The following NPEPPS variants were observed in gnomAD, a reference collection of about 807,000 sequenced individuals.
NPEPPS encodes puromycin-sensitive aminopeptidase.
A neutral mutation model predicts 115.5 loss-of-function variants in NPEPPS; 14 were observed. The observed-to-expected ratio is 0.12, with a 90% CI of 0.08 to 0.19. NPEPPS has a LOEUF of 0.19. Among genes scored for constraint, NPEPPS ranks in the 10% least tolerant of loss-of-function variants. The pLI is 1.00. For synonymous variants in NPEPPS, 285 were observed against 390.6 expected (o/e 0.73, Z 3.19); for missense variants, 523 against 1,110.8 (o/e 0.47, Z 7.52).
intron 1 of NPEPPS, among the ~76,000 whole-genome samples, chr17:47,534,519 T>C (rs1908054239): frequency 6.6e-6 from 1 of 152,220 alleles, no homozygotes; most frequent in African/African-American, 2.4e-5. Context: ...AGAGTATTTG[T>C]GTAGGTTACA....
intron 1 of NPEPPS, among the ~76,000 whole-genome samples, chr17:47,535,517 T>G (rs1908167419): frequency 7.2e-6 from 1 of 139,012 alleles, no homozygotes; most frequent in African/African-American, 2.7e-5. Flanking sequence ...CGCCACGCAC[T>G]CCAGCCTGGG....
chr17:47,601,820 A>T, intron 15 of NPEPPS, 73 bp downstream of exon 15: 2 of 1,436,420 alleles, frequency 1.4e-6, no homozygotes, highest in South Asian at 2.5e-5. Flanking sequence ...ATTCTGCTTC[A>T]GTTTAGTAGT....
chr17:47,612,634 T>C (rs778189883), intron 18 of NPEPPS, 32 bp downstream of exon 18: 13 of 1,592,986 alleles, frequency 8.2e-6, no homozygotes, highest in South Asian at 2.3e-5. Flanking sequence ...CCTTGACTTA[T>C]AGGTAACATC....
intron 2 of NPEPPS, among the ~76,000 whole-genome samples, chr17:47,560,221 A>G (rs1910338720): frequency 6.6e-6 from 1 of 152,180 alleles, no homozygotes; most frequent in African/African-American, 2.4e-5. Flanking sequence ...TCCTTTAAAA[A>G]AAAAAAGATA....
At chr17:47,609,794 T>C (rs542062649) in intron 17 of NPEPPS, among the ~76,000 whole-genome samples, 30 of 152,314 alleles carry the variant, frequency 2.0e-4, no homozygotes, top group African/African-American at 6.7e-4. Context: ...ATCTCTTCTA[T>C]TTTATATACA....
intron 3 of NPEPPS, among the ~76,000 whole-genome samples, chr17:47,573,969 AAAAG>A (rs1460211645): frequency 1.3e-5 from 2 of 152,210 alleles, no homozygotes; most frequent in Admixed American, 6.6e-5. Context: ...AGTCAATAGA[AAAAG>A]AAATGAAAAA....
At chr17:47,562,443 C>A (rs1910491477) in intron 2 of NPEPPS, among the ~76,000 whole-genome samples, 1 of 152,158 alleles carries the variant, frequency 6.6e-6, no homozygotes, top group African/African-American at 2.4e-5. Context: ...CATTTGGTCA[C>A]AGAAGTCTAC....
chr17:47,569,097 A>G (rs1319865588), intron 2 of NPEPPS, among the ~76,000 whole-genome samples: 3 of 152,184 alleles, frequency 2.0e-5, no homozygotes, highest in Non-Finnish European at 2.9e-5. Flanking sequence ...GTTCATGAGT[A>G]AGACTGCAAT....
chr17:47,612,437 G>A (rs1407049858), intron 17 of NPEPPS, 23 bp from the exon 18 acceptor site: 2 of 1,611,848 alleles, frequency 1.2e-6, no homozygotes, highest in Non-Finnish European at 1.7e-6. Context: ...GTAGTCTTAT[G>A]TCTCTTTTAC....
intron 18 of NPEPPS, among the ~76,000 whole-genome samples, chr17:47,613,300 C>G (rs972207348): frequency 1.6e-5 from 2 of 126,542 alleles, no homozygotes; most frequent in African/African-American, 3.0e-5. Flanking sequence ...GAGTCTCACT[C>G]TGTTACCCAG....
chr17:47,544,354 A>G (rs541659780), intron 1 of NPEPPS, among the ~76,000 whole-genome samples: 1 of 152,212 alleles, frequency 6.6e-6, no homozygotes, highest in Admixed American at 6.5e-5. Context: ...GTTATTGTAT[A>G]AAGTTTTGAC....
chr17:47,593,076 C>G (rs1912614547), intron 12 of NPEPPS, among the ~76,000 whole-genome samples: 2 of 152,146 alleles, frequency 1.3e-5, no homozygotes, highest in African/African-American at 4.8e-5. Flanking sequence ...TATAGATGCT[C>G]AGCTAGTAAG....
rs1555603815 is a variant in NPEPPS, at chr17:47,546,043, G to GGGGTGTGT, written c.340+51_340+52insGGTGTGTG. 61 of 1,213,880 alleles carry GGGGTGTGT rather than the reference G, an allele frequency of 5.0e-5. No individual in the cohort carries two copies. In the East Asian group the frequency reaches 6.8e-4, roughly 14 times the overall value. The allele number at this position is 1,213,880 out of a possible 1,614,324, so 75.2% of individuals were successfully genotyped here. ...TTGCTGTCTGCATGTGCATATGTGGGGTGTGTGTGTGTGTGTGTGTGTGTG... is the reference window on the plus strand; with the variant it reads ...TTGCTGTCTGCATGTGCATATGTGGGGGGTGTGTGTGTGTGTGTGTGTGTGTGTGTGTG... On this transcript the variant is annotated intron_variant, in intron 2 of 22. Coordinates refer to ENST00000322157, the MANE Select transcript of NPEPPS (RefSeq NM_006310.4).
upstream of NPEPPS, among the ~76,000 whole-genome samples, chr17:47,529,737 T>TATATATATATATA (rs59313546): frequency 3.5e-4 from 9 of 25,658 alleles, 2 homozygotes; most frequent in Non-Finnish European, 4.3e-4. Flanking sequence ...TTCAGTTACA[T>TATATATATATATA]TATATATATA....
At chr17:47,604,141 TG>T in intron 16 of NPEPPS, 92 bp downstream of exon 16, 1 of 1,240,794 alleles carries the variant, frequency 8.1e-7, no homozygotes, top group Non-Finnish European at 1.1e-6. Flanking sequence ...TAGAAGAATA[TG>T]GGTCTTCATG....
At chr17:47,597,228 T>C (rs191857438) in intron 13 of NPEPPS, among the ~76,000 whole-genome samples, 181 of 152,308 alleles carry the variant, frequency 1.2e-3, no homozygotes, top group Middle Eastern at 3.4e-3. Context: ...GTGATTTTAA[T>C]TAGGATTGCA....
chr17:47,604,055 C>T lies in NPEPPS; in HGVS notation c.1875+6C>T. 6.2e-7 allele frequency: 1 copy of T among 1,604,784 alleles called. No individual in the cohort carries two copies. Among genetic ancestry groups the T allele is most frequent in the Non-Finnish European group, 8.5e-7 (1 of 1,173,932 alleles). On this transcript the variant is annotated splice_donor_region_variant and intron_variant, in intron 16 of 22. Coordinates refer to ENST00000322157, the MANE Select transcript of NPEPPS (RefSeq NM_006310.4). ...AGAATGACCTCTTCTCCTTGGTGAGCATCTGTGACTTAAGTAATATGATGG... is the reference window on the plus strand; with the variant it reads ...AGAATGACCTCTTCTCCTTGGTGAGTATCTGTGACTTAAGTAATATGATGG...
In NPEPPS at chr17:47,618,372, A is replaced by G; in HGVS notation, c.2318A>G (p.Gln773Arg). The G allele has an allele frequency of 6.2e-7, 1 of 1,613,548 alleles. No individual in the cohort carries two copies. The highest frequency in any genetic ancestry group is 1.1e-5 in the South Asian group (1 of 91,064). ...MLKLHKQADM[Q>R]EEKNRIERVL... ...TAGCTTCATAAACAAGCAGATATGCAAGAAGAGAAAAACCGAATCGAAAGA... is the reference window on the plus strand; with the variant it reads ...TAGCTTCATAAACAAGCAGATATGCGAGAAGAGAAAAACCGAATCGAAAGA... Residue 773 changes from glutamine (Q) to arginine (R), a missense_variant, in exon 20 of 23, where the codon CAA becomes CGA. By Grantham distance (43) the Gln-to-Arg change is conservative. Coordinates refer to ENST00000322157, the MANE Select transcript of NPEPPS (RefSeq NM_006310.4).
intron 9 of NPEPPS, among the ~76,000 whole-genome samples, chr17:47,590,068 C>T (rs1227856414): frequency 2.0e-5 from 3 of 152,018 alleles, no homozygotes; most frequent in Non-Finnish European, 4.4e-5. Flanking sequence ...CACTGGCTTA[C>T]GCGTGTAATC....
Sources: allele counts gnomAD v4.1 joint callset (sites outside exome capture counted in the v4.1 genomes callset), GRCh38; gene constraint gnomAD v4.1.1; transcripts MANE v1.5; gene names NCBI Gene and HGNC (gene_info 2026-07-23, HGNC 2026-07-21).